GSE1: variants seen among roughly 807,000 people sequenced by gnomAD.
GSE1 encodes Gse1 coiled-coil protein.
Under a neutral mutation model 112.6 loss-of-function variants are expected in GSE1, and 32 were observed. That is an observed-to-expected ratio of 0.28 (90% CI 0.21 to 0.38). The LOEUF (loss-of-function observed/expected upper bound fraction) is 0.38, where lower values mean the gene tolerates loss of function less well. GSE1 is among the 10% of genes least tolerant of loss of function. The pLI, the probability that GSE1 is intolerant of heterozygous loss-of-function variation, is 1.00. For synonymous variants in GSE1, 1,115 were observed against 735.6 expected (o/e 1.52, Z -8.35); for missense variants, 2,348 against 1,699.2 (o/e 1.38, Z -6.71).
intron 1 of GSE1, among the ~76,000 whole-genome samples, chr16:85,598,167 G>GTTTTTTTTT (rs973836177): frequency 4.6e-4 from 33 of 71,520 alleles, no homozygotes; most frequent in East Asian, 8.2e-4. Flanking sequence ...AGGTTTGGTT[G>GTTTTTTTTT]TTTTTTTTTT....
At chr16:85,470,932 T>C (rs2050274777) in intron 2 of GSE1, among the ~76,000 whole-genome samples, 2 of 152,304 alleles carry the variant, frequency 1.3e-5, no homozygotes, top group Admixed American at 6.5e-5. Context: ...TTTTTAATAG[T>C]GATTATCTCC....
At chr16:85,336,442 G>C (rs926436229) in intron 1 of GSE1, among the ~76,000 whole-genome samples, 1 of 152,144 alleles carries the variant, frequency 6.6e-6, no homozygotes, top group Non-Finnish European at 1.5e-5. Context: ...AGCACAGAAG[G>C]GGCAGAATCA....
intron 2 of GSE1, chr16:85,490,890 C>G (rs1455007082): frequency 6.6e-6 from 1 of 152,216 alleles, no homozygotes; most frequent in Non-Finnish European, 1.5e-5. Flanking sequence ...GCCACGGTTA[C>G]AGCTGATTAG....
intron 2 of GSE1, among the ~76,000 whole-genome samples, chr16:85,504,629 A>G (rs1257558076): frequency 6.6e-6 from 1 of 152,232 alleles, no homozygotes. Context: ...AAAGAAAACA[A>G]TTTTTAAACA....
intron 1 of GSE1, among the ~76,000 whole-genome samples, chr16:85,618,410 C>T (rs1038522399): frequency 1.3e-5 from 2 of 152,174 alleles, no homozygotes; most frequent in African/African-American, 2.4e-5. Flanking sequence ...AGGCCTGGAG[C>T]GTGGGGTGAG....
intron 1 of GSE1, chr16:85,593,587 C>G (rs950939685): frequency 2.4e-4 from 36 of 152,060 alleles, no homozygotes; most frequent in African/African-American, 8.0e-4. Flanking sequence ...CAGCCCGGCC[C>G]CTTAGCCTCC....
intron 14 of GSE1, 114 bp from the exon 15 acceptor site, chr16:85,670,881 C>G: frequency 1.5e-6 from 1 of 681,074 alleles, no homozygotes; most frequent in Non-Finnish European, 2.7e-6. Flanking sequence ...CCTTCGCTGG[C>G]TGCACTGGAG....
intron 2 of GSE1, among the ~76,000 whole-genome samples, chr16:85,476,683 G>C (rs1015198659): frequency 6.6e-6 from 1 of 151,940 alleles, no homozygotes; most frequent in African/African-American, 2.4e-5. Flanking sequence ...ATCCAGGCTG[G>C]AGTTGACTGG....
chr16:85,659,631 T>C (rs1384435012), intron 8 of GSE1: 1 of 152,116 alleles, frequency 6.6e-6, no homozygotes, highest in Non-Finnish European at 1.5e-5. Context: ...CTCCTGTAAA[T>C]AGCCACTGCA....
chr16:85,643,041 G>A (rs2050572161), intron 2 of GSE1, among the ~76,000 whole-genome samples: 1 of 152,270 alleles, frequency 6.6e-6, no homozygotes, highest in South Asian at 2.1e-4. Flanking sequence ...GCCTGAGCCT[G>A]GGTGGCTGAC....
In GSE1 at chr16:85,311,326, T is replaced by G. The variant is rs116350860; in HGVS notation, c.2284-46137T>G. ...GCTCCCTGGACAGGGTGGGCGTCGT[T>G]AGAGCAGAAACGGTGGTGGCAGGAC... On this transcript the variant is annotated intron_variant, in intron 1 of 2. Transcript: ENST00000637419. This position sits in a 1 kb window ranked among gnomAD's most constrained non-coding sequence, Gnocchi z 4.2. 0.01 allele frequency among the ~76,000 whole-genome samples: 1,563 copies of G among 152,282 alleles called. 39 individuals are homozygous for G. The highest frequency in any genetic ancestry group is 0.036 in the African/African-American group (1,484 of 41,560).
chr16:85,647,845 A>C (rs2051009658), intron 2 of GSE1, among the ~76,000 whole-genome samples: 1 of 152,122 alleles, frequency 6.6e-6, no homozygotes, highest in African/African-American at 2.4e-5. Flanking sequence ...TCGGCCTCCC[A>C]AAGTGCTGGG....
At chr16:85,612,711 G>A (rs1266192578), upstream of GSE1, among the ~76,000 whole-genome samples, 1 of 151,750 alleles carries the variant, frequency 6.6e-6, no homozygotes, top group East Asian at 1.9e-4. Flanking sequence ...GGGGGGGTGG[G>A]GCTTGGGTAC....
chr16:85,668,107 A>C, intron 13 of GSE1, 33 bp from the exon 14 acceptor site: 1 of 1,517,544 alleles, frequency 6.6e-7, no homozygotes, highest in Non-Finnish European at 8.9e-7. Flanking sequence ...CCCTTCCCCC[A>C]ACACACTGAT....
At chr16:85,263,993 C>T (rs1430884926) in intron 1 of GSE1, among the ~76,000 whole-genome samples, 4 of 152,086 alleles carry the variant, frequency 2.6e-5, no homozygotes, top group East Asian at 1.9e-4. Flanking sequence ...AGCCTGGGGC[C>T]GGGGAGGGCT....
intron 1 of GSE1, among the ~76,000 whole-genome samples, chr16:85,260,319 C>CTTTTTTTTTTTTTTTTTTTTTTT (rs111292010): frequency 1.1e-4 from 10 of 94,868 alleles, no homozygotes; most frequent in Non-Finnish European, 2.0e-4. Flanking sequence ...TTTTTCTTTT[C>CTTTTTTTTTTTTTTTTTTTTTTT]TTTTTTTTTT....
At chr16:85,487,523 C>A (rs2050879810) in intron 2 of GSE1, among the ~76,000 whole-genome samples, 1 of 152,192 alleles carries the variant, frequency 6.6e-6, no homozygotes, top group Non-Finnish European at 1.5e-5. Context: ...CATTATTCCC[C>A]TTATTTCTAT....
chr16:85,200,786 G>T (rs531735323), intron 1 of GSE1, among the ~76,000 whole-genome samples: 1 of 152,086 alleles, frequency 6.6e-6, no homozygotes. Context: ...TGTACAGTTC[G>T]GTGGCATTAA....
intron 1 of GSE1, chr16:85,207,774 C>T (rs1007114668): frequency 3.9e-5 from 6 of 152,276 alleles, no homozygotes; most frequent in Non-Finnish European, 5.9e-5. Context: ...CTCTCTGGGT[C>T]GCCACTGATT....
Sources: gnomAD v4.1 joint callset for allele counts (sites outside exome capture counted in the v4.1 genomes callset) on GRCh38, gnomAD v4.1.1 for gene constraint, Gnocchi (gnomAD v3.1) non-coding constraint, MANE v1.5 for transcripts, NCBI Gene and HGNC (gene_info 2026-07-23, HGNC 2026-07-21) for gene names.